The following DHX40 variants were observed in gnomAD, a reference collection of about 807,000 sequenced individuals.
The protein encoded by DHX40 is probable ATP-dependent RNA helicase DHX40.
Under a neutral mutation model 89.6 loss-of-function variants are expected in DHX40, and 28 were observed. That is an observed-to-expected ratio of 0.31 (90% CI 0.23 to 0.43). DHX40 has a LOEUF of 0.43. Ranked by LOEUF, DHX40 falls within the 20% of genes least tolerant of loss-of-function variation. The probability of loss-of-function intolerance (pLI) is 1.00; values close to 1 mark genes in which losing one functional copy is unlikely to be tolerated. For missense variants in DHX40, 457 were observed against 844.0 expected (o/e 0.54, Z 5.68); for synonymous variants, 226 against 283.6 (o/e 0.80, Z 2.04).
chr17:59,570,053 T>G (rs1567857662), intron 2 of DHX40, among the ~76,000 whole-genome samples: 1 of 101,832 alleles, frequency 9.8e-6, no homozygotes, highest in Non-Finnish European at 1.6e-5. Context: ...TAAATATATA[T>G]AATATACATT....
At chr17:59,605,230 A>G (rs1361278319) in intron 16 of DHX40, 46 bp downstream of exon 16, 5 of 1,559,032 alleles carry the variant, frequency 3.2e-6, no homozygotes, top group African/African-American at 2.7e-5. Context: ...GTAAAGTTGT[A>G]GAAATAAGTA....
chr17:59,577,655 GTCATAGCACAC>G (rs2048904165), intron 8 of DHX40, among the ~76,000 whole-genome samples: 2 of 151,460 alleles, frequency 1.3e-5, no homozygotes, highest in Non-Finnish European at 2.9e-5. Flanking sequence ...CAGGCGTGCA[GTCATAGCACAC>G]TACAGCCTTG....
chr17:59,605,250 T>A (rs1428585353), intron 16 of DHX40, 66 bp downstream of exon 16: 2 of 1,487,890 alleles, frequency 1.3e-6, no homozygotes, highest in East Asian at 4.6e-5. Context: ...AATATACAAA[T>A]GTCTTCTACT....
intron 2 of DHX40, 22 bp from the exon 3 acceptor site, chr17:59,570,496 T>A: frequency 6.3e-7 from 1 of 1,578,458 alleles, no homozygotes; most frequent in Non-Finnish European, 8.6e-7. Flanking sequence ...TTGTTGTGTT[T>A]CTTTATCTCT....
At chr17:59,602,196 C>T (rs1331227824) in intron 14 of DHX40, among the ~76,000 whole-genome samples, 1 of 152,116 alleles carries the variant, frequency 6.6e-6, no homozygotes, top group African/African-American at 2.4e-5. Flanking sequence ...CTCCCTAACC[C>T]AGGGAGTTCT....
chr17:59,588,241 A>C (rs997469020), intron 12 of DHX40, among the ~76,000 whole-genome samples, 188 bp downstream of exon 12: 3 of 146,066 alleles, frequency 2.1e-5, no homozygotes, highest in East Asian at 3.9e-4. Context: ...AAAAAAAAAA[A>C]CCAAAAACAA....
chr17:59,572,721 GA>G (rs1437232374), intron 3 of DHX40, among the ~76,000 whole-genome samples: 12 of 152,248 alleles, frequency 7.9e-5, no homozygotes, highest in Admixed American at 7.2e-4. Flanking sequence ...AGAGTGGGTG[GA>G]AAGTATGCAC....
Position 59,573,909 on chromosome 17 carries a change from A to G in DHX40, c.716A>G (p.Glu239Gly). 6.2e-7 allele frequency: 1 copy of G among 1,605,128 alleles called. No individual in the cohort carries two copies. Among genetic ancestry groups the G allele is most frequent in the African/African-American group, 1.4e-5 (1 of 73,326 alleles). ...DIPGRLYPVR[E>G]KFCNLIGPRD... Reference sequence around the variant, plus strand: ...CCTGGAAGGCTTTATCCAGTCAGAGAGAAATTCTGCAATTTGATTGGTCCA... The same window carrying G: ...CCTGGAAGGCTTTATCCAGTCAGAGGGAAATTCTGCAATTTGATTGGTCCA... The change falls in exon 5 of 18, where the codon GAG (glutamate) becomes GGG (glycine). Residue 239 changes from glutamate to glycine, a missense_variant. Glu to Gly is a moderately conservative substitution (Grantham distance 98, BLOSUM62 -2). Transcript: ENST00000251241.
chr17:59,604,639 A>T (rs1397144132), intron 15 of DHX40: 1 of 153,736 alleles, frequency 6.5e-6, no homozygotes, highest in Non-Finnish European at 1.4e-5. Context: ...CGGAAAAATG[A>T]TAGATTAATT....
At chr17:59,568,653 GTCTC>G (rs796217301) in intron 2 of DHX40, among the ~76,000 whole-genome samples, 4 of 152,000 alleles carry the variant, frequency 2.6e-5, no homozygotes, top group African/African-American at 4.8e-5. Context: ...TGTAAATGTG[GTCTC>G]TCTCTGTCTC....
chr17:59,597,819 C>T (rs1422595998), intron 12 of DHX40, among the ~76,000 whole-genome samples: 1 of 151,100 alleles, frequency 6.6e-6, no homozygotes, highest in Non-Finnish European at 1.5e-5. Flanking sequence ...CCTGTAGTCC[C>T]AGCTACTCGG....
chr17:59,601,011 T>G (rs2030482598), intron 14 of DHX40, among the ~76,000 whole-genome samples: 1 of 151,288 alleles, frequency 6.6e-6, no homozygotes, highest in African/African-American at 2.4e-5. Context: ...CAACAATAAC[T>G]CCCCATTCCC....
At position 59,588,066 on chromosome 17, in the gene DHX40, T is replaced by C. The variant is rs1241906166; in HGVS notation, c.1582+13T>C. The C allele has an allele frequency of 6.2e-7, 1 of 1,610,682 alleles. No homozygotes were observed. The highest frequency in any genetic ancestry group is 2.2e-5 in the East Asian group (1 of 44,810). On this transcript the variant is annotated intron_variant, in intron 12 of 17. Coordinates refer to ENST00000251241, the MANE Select transcript of DHX40 (RefSeq NM_024612.5). ...TTCATTAGACCTGGTAAGATGTTTA[T>C]TTTAAGTTGTGTTTTTTAAAACTAA... is the stretch of plus-strand genomic sequence containing the variant.
At chr17:59,590,792 T>A (rs997275427) in intron 12 of DHX40, among the ~76,000 whole-genome samples, 1 of 151,902 alleles carries the variant, frequency 6.6e-6, no homozygotes, top group African/African-American at 2.4e-5. Context: ...AATGTCAGAA[T>A]TTTAATTCTG....
intron 6 of DHX40, among the ~76,000 whole-genome samples, chr17:59,574,921 T>G (rs1400583128): frequency 3.9e-5 from 6 of 152,346 alleles, no homozygotes; most frequent in East Asian, 1.9e-4. Context: ...ATTAGTAGTT[T>G]CCTTGTTTAC....
chr17:59,602,051 T>C (rs1452603296), intron 14 of DHX40, among the ~76,000 whole-genome samples: 1 of 152,224 alleles, frequency 6.6e-6, no homozygotes, highest in African/African-American at 2.4e-5. Context: ...CATGTGCTAA[T>C]CACTACTCAG....
chr17:59,590,014 C>T (rs903806674), intron 12 of DHX40, among the ~76,000 whole-genome samples: 20 of 151,778 alleles, frequency 1.3e-4, no homozygotes, highest in Admixed American at 9.2e-4. Flanking sequence ...CCCAGCCCGG[C>T]GTTAATTTCC....
intron 2 of DHX40, 41 bp downstream of exon 2, chr17:59,566,835 A>G (rs2048712005): frequency 6.6e-7 from 1 of 1,523,540 alleles, no homozygotes; most frequent in Non-Finnish European, 8.8e-7. Flanking sequence ...TATTTTAAAA[A>G]TATCCTCTTT....
intron 5 of DHX40, 57 bp from the exon 6 acceptor site, chr17:59,574,131 T>C (rs983643744): frequency 1.1e-5 from 6 of 540,218 alleles, no homozygotes; most frequent in African/African-American, 9.0e-5. Context: ...AGGGAAGTGG[T>C]GGTAAGGGAA....
Sources: allele counts gnomAD v4.1 joint callset (sites outside exome capture counted in the v4.1 genomes callset), GRCh38; gene constraint gnomAD v4.1.1; transcripts MANE v1.5; gene names NCBI Gene and HGNC (gene_info 2026-07-23, HGNC 2026-07-21).